Variants in CD1B observed in about 807,000 individuals in gnomAD.
CD1B encodes T-cell surface glycoprotein CD1b.
Under a neutral mutation model 39.8 loss-of-function variants are expected in CD1B, and 43 were observed. The observed-to-expected ratio is 1.08, with a 90% CI of 0.85 to 1.39. The LOEUF is 1.39. Among genes scored for constraint, CD1B ranks in the 40% most tolerant of loss-of-function variants. CD1B has a pLI of 0.00. For missense variants in CD1B, 495 were observed against 403.8 expected, an observed-to-expected ratio of 1.23 and a Z score of -1.94; for synonymous variants, 192 against 152.5, an observed-to-expected ratio of 1.26 and a Z score of -1.91.
the CD1B span, among the ~76,000 whole-genome samples, chr1:158,308,891 T>C: frequency 1.3e-5 from 2 of 152,158 alleles, no homozygotes; most frequent in Non-Finnish European, 2.9e-5. Context: ...GAAGAAAACC[T>C]AGGCAATACC....
intron 3 of CD1B, 72 bp from the exon 4 acceptor site, chr1:158,329,720 C>T: frequency 3.2e-6 from 5 of 1,573,452 alleles, no homozygotes; most frequent in Non-Finnish European, 3.4e-6. Flanking sequence ...CAGAAACCTA[C>T]AAGCTTGGAC....
At chr1:158,321,933 C>T in the CD1B span, among the ~76,000 whole-genome samples, 1 of 152,112 alleles carries the variant, frequency 6.6e-6, no homozygotes. Flanking sequence ...CCACCACACT[C>T]AGGCCCCAGT....
the CD1B span, among the ~76,000 whole-genome samples, chr1:158,317,384 G>T: frequency 6.6e-6 from 1 of 152,188 alleles, no homozygotes; most frequent in East Asian, 1.9e-4. Flanking sequence ...TCCTGGTTTA[G>T]TCTTGGGAGA....
Position 158,330,824 on chromosome 1 carries a change from T to C in CD1B, c.300A>G (p.Gln100=), listed in dbSNP as rs1264378360. The C allele has an allele frequency of 1.9e-6, 3 of 1,614,078 alleles. No homozygotes were observed. In the African/African-American group the frequency reaches 4.0e-5, roughly 22 times the overall value. Reference sequence around the variant, plus strand: ...TCATCTGGAAATCACCGGCAAAGTCTTGTACTTCTCGAGCGAATCCAAAGA... The same window carrying C: ...TCATCTGGAAATCACCGGCAAAGTCCTGTACTTCTCGAGCGAATCCAAAGA... ...VYIFGFAREV[Q]DFAGDFQMKY... Residue 100 remains glutamine, a synonymous_variant, in exon 2 of 6, where the codon CAA becomes CAG. Coordinates refer to ENST00000368168, the MANE Select transcript of CD1B (RefSeq NM_001764.3).
chr1:158,330,183 C>G lies in CD1B; in HGVS notation c.329-53G>C. ...ATTAAACACAAATAAGAAAAAAAGG[C>G]ATGAGAAAAGAACCTAGGATTTTAG... On this transcript the variant is annotated intron_variant, in intron 2 of 5. Coordinates refer to ENST00000368168, the MANE Select transcript of CD1B (RefSeq NM_001764.3). The G allele has an allele frequency of 5.3e-6, 8 of 1,505,556 alleles. No homozygotes were observed. In the South Asian group the frequency reaches 1.0e-4, roughly 20 times the overall value. The allele number at this position is 1,505,556 out of a possible 1,614,324, so 93.3% of individuals were successfully genotyped here. A position where few individuals can be genotyped will look rare whatever the true frequency, so the allele number is the denominator to read the frequency against.
chr1:158,314,838 G>T, the CD1B span, among the ~76,000 whole-genome samples: 1 of 134,178 alleles, frequency 7.5e-6, no homozygotes. Context: ...CCCAGAGTGT[G>T]ATGTTCCCCT....
chr1:158,318,882 T>G, the CD1B span, among the ~76,000 whole-genome samples: 1 of 152,204 alleles, frequency 6.6e-6, no homozygotes, highest in Admixed American at 6.5e-5. Flanking sequence ...CTTTCAGCAT[T>G]TGCTTGTCTG....
rs746521287 is a variant in CD1B, at chr1:158,328,877, G to T, written c.980+44C>A. On this transcript the variant is annotated intron_variant, in intron 5 of 5. Coordinates refer to ENST00000368168, the MANE Select transcript of CD1B (RefSeq NM_001764.3). ...GTAAAAAACAGTGGAAGGGTGAACA[G>T]AAAAGACATATTAAAAAAAAAAACA... 8.8e-6 allele frequency: 12 copies of T among 1,356,306 alleles called. No individual in the cohort carries two copies. In the East Asian group the frequency reaches 2.8e-4, roughly 32 times the overall value. The allele number at this position is 1,356,306 out of a possible 1,614,324, so 84.0% of individuals were successfully genotyped here.
the CD1B span, among the ~76,000 whole-genome samples, chr1:158,302,650 A>G: frequency 2.0e-5 from 3 of 152,206 alleles, no homozygotes; most frequent in African/African-American, 7.2e-5. Context: ...AGATACTGTT[A>G]TGAACACCTC....
intron 2 of CD1B, 57 bp downstream of exon 2, chr1:158,330,739 A>G: frequency 2.5e-6 from 4 of 1,575,108 alleles, no homozygotes; most frequent in Non-Finnish European, 3.5e-6. Context: ...ACACTTTGCA[A>G]AAAAGAGAGA....
chr1:158,311,616 G>T, the CD1B span, among the ~76,000 whole-genome samples: 2 of 151,876 alleles, frequency 1.3e-5, no homozygotes, highest in Non-Finnish European at 2.9e-5. Flanking sequence ...TCTTCTTGTA[G>T]TTTCACAATT....
the CD1B span, among the ~76,000 whole-genome samples, chr1:158,310,081 A>G: frequency 1.3e-5 from 2 of 152,192 alleles, no homozygotes; most frequent in African/African-American, 4.8e-5. Flanking sequence ...GTACAAGGCT[A>G]CAGTAACCAA....
At chr1:158,317,961 A>G in the CD1B span, among the ~76,000 whole-genome samples, 3 of 152,150 alleles carry the variant, frequency 2.0e-5, no homozygotes, top group Non-Finnish European at 4.4e-5. Context: ...GTTTCCATGT[A>G]GTTGTGCGGT....
chr1:158,308,025 G>A, the CD1B span, among the ~76,000 whole-genome samples: 1 of 152,126 alleles, frequency 6.6e-6, no homozygotes, highest in Non-Finnish European at 1.5e-5. Flanking sequence ...TATTGAATTA[G>A]GAAAAGAGGA....
chr1:158,323,622 C>T (rs1045924295), downstream of CD1B, among the ~76,000 whole-genome samples: 1 of 152,146 alleles, frequency 6.6e-6, no homozygotes, highest in African/African-American at 2.4e-5. Context: ...TTGTTTGTGC[C>T]TGTTTTTCTT....
intron 2 of CD1B, chr1:158,330,592 A>G (rs952025949): frequency 4.2e-6 from 3 of 714,124 alleles, no homozygotes; most frequent in Non-Finnish European, 7.7e-6. Context: ...TCTGAGAGTA[A>G]GAGAAGAGTG....
the CD1B span, chr1:158,292,264 A>G: frequency 6.2e-7 from 1 of 1,614,212 alleles, no homozygotes; most frequent in Non-Finnish European, 8.5e-7. Flanking sequence ...AATCATCAGT[A>G]TGAAGGCGTC....
At chr1:158,312,238 G>A in the CD1B span, among the ~76,000 whole-genome samples, 1 of 152,090 alleles carries the variant, frequency 6.6e-6, no homozygotes, top group Admixed American at 6.6e-5. Context: ...TGAATCATGG[G>A]GACAAGTCTT....
At chr1:158,292,350 TATG>T in the CD1B span, 2 of 1,613,668 alleles carry the variant, frequency 1.2e-6, no homozygotes, top group East Asian at 2.2e-5. Context: ...AGGGAAGATG[TATG>T]TACACAGGCA....
Sources: gnomAD v4.1 joint callset for allele counts (sites outside exome capture counted in the v4.1 genomes callset) on GRCh38, gnomAD v4.1.1 for gene constraint, MANE v1.5 for transcripts, NCBI Gene and HGNC (gene_info 2026-07-23, HGNC 2026-07-21) for gene names.